The following CNOT2 variants were observed in gnomAD, a reference collection of about 807,000 sequenced individuals.
CNOT2 encodes the protein CC chemokine receptor 4-negative regulator of transcription 2.
In CNOT2, 7 loss-of-function variants were observed where a neutral mutation model predicts 72.1. That is an observed-to-expected ratio of 0.10 (90% CI 0.06 to 0.18). The LOEUF (loss-of-function observed/expected upper bound fraction) is 0.18. Among genes scored for constraint, CNOT2 ranks in the 10% least tolerant of loss-of-function variants. The pLI is 1.00. For synonymous variants in CNOT2, 196 were observed against 225.6 expected (o/e 0.87, Z 1.17); for missense variants, 345 against 660.3 (o/e 0.52, Z 5.23).
chr12:70,353,846 T>C lies in CNOT2; in HGVS notation c.1554T>C (p.Tyr518=), dbSNP rs747309186. 5.0e-6 allele frequency: 8 copies of C among 1,600,046 alleles called. No homozygotes were observed. The highest frequency in any genetic ancestry group is 6.8e-6 in the Non-Finnish European group (8 of 1,177,282). Reference sequence around the variant, plus strand: ...TTTTATAGGAGTTCCATCTGGAATATGACAAATTAGAAGAACGGCCTCACC... The same window carrying C: ...TTTTATAGGAGTTCCATCTGGAATACGACAAATTAGAAGAACGGCCTCACC... ...RKVAKEFHLE[Y]DKLEERPHLP... The change falls in exon 16 of 16, where the codon TAT becomes TAC. Residue 518 remains tyrosine (Y), a synonymous_variant. Transcript: ENST00000229195.
At chr12:70,323,820 T>C (rs1445629742) in intron 4 of CNOT2, 1 of 151,816 alleles carries the variant, frequency 6.6e-6, no homozygotes, top group Admixed American at 6.6e-5. Context: ...TTTTTGTGTG[T>C]GTGAAAACCA....
intron 1 of CNOT2, 21 bp from the exon 2 acceptor site, chr12:70,278,111 T>C (rs960741112): frequency 1.5e-6 from 1 of 682,850 alleles, no homozygotes. Context: ...TTTTGATGGC[T>C]TTTGGATAAT....
chr12:70,325,942 AATT>A (rs1044557207), intron 4 of CNOT2, among the ~76,000 whole-genome samples: 44 of 151,958 alleles, frequency 2.9e-4, no homozygotes, highest in African/African-American at 1.1e-3. Flanking sequence ...TCTAGCAAAA[AATT>A]GAATAAAGAA....
At chr12:70,302,920 T>C (rs1654637391) in intron 2 of CNOT2, among the ~76,000 whole-genome samples, 1 of 152,232 alleles carries the variant, frequency 6.6e-6, no homozygotes, top group African/African-American at 2.4e-5. Context: ...TGTATATATA[T>C]TTAGGATAGT....
rs142545253 is a variant in CNOT2, at chr12:70,353,719, T to C, written c.1537-110T>C. On this transcript the variant is annotated intron_variant, in intron 15 of 15. Coordinates refer to ENST00000229195, the MANE Select transcript of CNOT2 (RefSeq NM_014515.7). ...AAAACAGTTGGTATATCTGTGTTGATGTTGATTCATATATATTGGGTATTT... is the reference window on the plus strand; with the variant it reads ...AAAACAGTTGGTATATCTGTGTTGACGTTGATTCATATATATTGGGTATTT... 319 of 1,479,676 alleles carry C rather than the reference T, an allele frequency of 2.2e-4. 6 individuals carry two copies. In the East Asian group the frequency reaches 7.9e-3, roughly 37 times the overall value. The allele number at this position is 1,479,676 out of a possible 1,614,324, so 91.7% of individuals were successfully genotyped here.
chr12:70,279,376 C>T (rs1452413854), intron 2 of CNOT2, among the ~76,000 whole-genome samples: 1 of 152,156 alleles, frequency 6.6e-6, no homozygotes, highest in African/African-American at 2.4e-5. Context: ...CATATTTAAC[C>T]TTTCTAGAAT....
At chr12:70,276,989 AT>A (rs1200413167) in intron 1 of CNOT2, among the ~76,000 whole-genome samples, 1 of 151,838 alleles carries the variant, frequency 6.6e-6, no homozygotes, top group African/African-American at 2.4e-5. Context: ...GCCCGTATAG[AT>A]TGCTTTTTAG....
chr12:70,335,628 T>C lies in CNOT2; in HGVS notation c.775+65T>C. On this transcript the variant is annotated intron_variant, in intron 8 of 15. Coordinates refer to ENST00000229195, the MANE Select transcript of CNOT2 (RefSeq NM_014515.7). ...ATTGTATGTGCACACACATATACAT[T>C]TACATGTACGTATACATATGCTTGT... 4.1e-6 allele frequency: 5 copies of C among 1,217,788 alleles called. No homozygotes were observed. In the Admixed American group the frequency reaches 5.3e-5, roughly 13 times the overall value. The allele number at this position is 1,217,788 out of a possible 1,614,324, so 75.4% of individuals were successfully genotyped here.
intron 1 of CNOT2, among the ~76,000 whole-genome samples, chr12:70,246,790 T>C (rs1284477078): frequency 6.6e-6 from 1 of 152,204 alleles, no homozygotes; most frequent in Non-Finnish European, 1.5e-5. Context: ...CATGCTGATG[T>C]GGTTTGTTCA....
intron 11 of CNOT2, among the ~76,000 whole-genome samples, chr12:70,340,053 A>G (rs1459811063): frequency 6.6e-6 from 1 of 152,018 alleles, no homozygotes; most frequent in East Asian, 1.9e-4. Flanking sequence ...TTACTTTCCC[A>G]TTTCTTTATT....
At chr12:70,279,259 G>A (rs974708249) in intron 2 of CNOT2, among the ~76,000 whole-genome samples, 1 of 152,204 alleles carries the variant, frequency 6.6e-6, no homozygotes, top group Non-Finnish European at 1.5e-5. Flanking sequence ...AAAGTTAGCA[G>A]TGGAGCAAAT....
chr12:70,329,645 G>A, intron 5 of CNOT2, 75 bp downstream of exon 5: 1 of 1,053,854 alleles, frequency 9.5e-7, no homozygotes, highest in Admixed American at 1.7e-5. Flanking sequence ...TTTTTAATAA[G>A]GTAATTAATT....
rs562568575 is a variant in CNOT2, at chr12:70,314,949, C to T, written c.171+3932C>T. Among the ~76,000 whole-genome samples, 10 of 152,116 alleles carry T rather than the reference C, an allele frequency of 6.6e-5. No individual in the cohort carries two copies. In the East Asian group the frequency reaches 1.2e-3, roughly 18 times the overall value. ...CACGATCTTGGCTCACAGCAACCTC[C>T]GCCTCCTGGGTTCAAGTGATTCTCC... On this transcript the variant is annotated intron_variant, in intron 3 of 15. Coordinates refer to ENST00000229195, the MANE Select transcript of CNOT2 (RefSeq NM_014515.7).
At chr12:70,346,105 G>T in intron 14 of CNOT2, 75 bp from the exon 15 acceptor site, 2 of 972,932 alleles carry the variant, frequency 2.1e-6, no homozygotes, top group Non-Finnish European at 3.1e-6. Context: ...CCGGAGGAAA[G>T]CTTTACAAAA....
intron 4 of CNOT2, among the ~76,000 whole-genome samples, chr12:70,326,348 C>T (rs551844957): frequency 3.0e-4 from 45 of 151,764 alleles, no homozygotes; most frequent in African/African-American, 1.0e-3. Context: ...ATTTTACTGT[C>T]CTTCCAGTCA....
intron 1 of CNOT2, among the ~76,000 whole-genome samples, chr12:70,249,642 A>G (rs1231950579): frequency 1.3e-5 from 2 of 152,062 alleles, no homozygotes; most frequent in Non-Finnish European, 2.9e-5. Flanking sequence ...TATTTAATCA[A>G]ATTGATGCAG....
chr12:70,289,743 A>G (rs1414595454), intron 2 of CNOT2, among the ~76,000 whole-genome samples: 3 of 152,086 alleles, frequency 2.0e-5, no homozygotes, highest in Non-Finnish European at 2.9e-5. Context: ...TACAAAATGT[A>G]ATTATAACTC....
intron 2 of CNOT2, among the ~76,000 whole-genome samples, chr12:70,289,751 C>T (rs1593137151): frequency 6.6e-6 from 1 of 152,108 alleles, no homozygotes; most frequent in East Asian, 1.9e-4. Context: ...GTAATTATAA[C>T]TCCTTGCATA....
chr12:70,248,134 T>C (rs1258275312), intron 1 of CNOT2, among the ~76,000 whole-genome samples: 2 of 152,170 alleles, frequency 1.3e-5, no homozygotes, highest in African/African-American at 2.4e-5. Context: ...ATATTTTGTA[T>C]TTGTCTTTAC....
Sources: allele counts gnomAD v4.1 joint callset (sites outside exome capture counted in the v4.1 genomes callset), GRCh38; gene constraint gnomAD v4.1.1; transcripts MANE v1.5; gene names NCBI Gene and HGNC (gene_info 2026-07-23, HGNC 2026-07-21).